Variants in FCRL4 observed in about 807,000 individuals in gnomAD.
FCRL4 encodes the protein Fc receptor like 4.
FCRL4 carries 43 observed loss-of-function variants against 64.1 expected under a neutral mutation model. The observed-to-expected ratio is 0.67, with a 90% CI of 0.53 to 0.87. The LOEUF is 0.87. FCRL4 is among the 40% of genes least tolerant of loss of function. The pLI is 0.00. For missense variants in FCRL4, 656 were observed against 613.5 expected (o/e 1.07, Z -0.73); for synonymous variants, 253 against 239.8 (o/e 1.05, Z -0.51).
intron 5 of FCRL4, 72 bp from the exon 6 acceptor site, chr1:157,586,527 G>T: frequency 7.0e-7 from 1 of 1,426,972 alleles, no homozygotes; most frequent in Non-Finnish European, 9.5e-7. Flanking sequence ...GGGGTGTTGG[G>T]CAGGGTTACT....
chr1:157,593,898 C>G (rs1251878426), intron 2 of FCRL4, among the ~76,000 whole-genome samples: 1 of 152,194 alleles, frequency 6.6e-6, no homozygotes, highest in African/African-American at 2.4e-5. Flanking sequence ...AACGTCCTTA[C>G]CAATATAATA....
At position 157,581,647 on chromosome 1, in the gene FCRL4, A is replaced by G. The variant is rs951116494; in HGVS notation, c.1136-3T>C. On this transcript the variant is annotated splice_polypyrimidine_tract_variant and splice_region_variant and intron_variant, in intron 6 of 11. Transcript: ENST00000271532. Reference sequence around the variant, plus strand: ...GCCATCTCTGTTGCCTGGGGTCTCTAAGGGGAAAGGACCTGTGTGAATCTC... The same window carrying G: ...GCCATCTCTGTTGCCTGGGGTCTCTGAGGGGAAAGGACCTGTGTGAATCTC... 6.2e-7 allele frequency: 1 copy of G among 1,611,130 alleles called. No individual in the cohort carries two copies. The highest frequency in any genetic ancestry group is 8.5e-7 in the Non-Finnish European group (1 of 1,177,820).
At chr1:157,589,671 G>GC (rs5778040) in intron 2 of FCRL4, among the ~76,000 whole-genome samples, 6,408 of 152,170 alleles carry the variant, frequency 0.042, 341 homozygotes, top group African/African-American at 0.12. Context: ...GCCTTTCAGA[G>GC]GGGGGGCAGC....
rs1652374891 is a variant in FCRL4, at chr1:157,575,287, AG to A, written c.*236del. 1 of 547,118 alleles carries A rather than the reference AG, an allele frequency of 1.8e-6. No individual in the cohort carries two copies. The highest frequency in any genetic ancestry group is 3.3e-6 in the Non-Finnish European group (1 of 303,662). The allele number at this position is 547,118 out of a possible 1,614,324, so 33.9% of individuals were successfully genotyped here. On this transcript the variant is annotated 3_prime_UTR_variant, in exon 12 of 12. Coordinates refer to ENST00000271532, the MANE Select transcript of FCRL4 (RefSeq NM_031282.3). ...AGGTCAGGCCCACAGCAAATACTAC[AG>A]GGTCTTCTCTTAACTGTGGATCCTG...
chr1:157,597,914 C>A lies in FCRL4; in HGVS notation c.31G>T (p.Ala11Ser), dbSNP rs1653003113. 6.2e-7 allele frequency: 1 copy of A among 1,613,192 alleles called. No individual in the cohort carries two copies. The highest frequency in any genetic ancestry group is 8.5e-7 in the Non-Finnish European group (1 of 1,179,500). ...CAAAGGTCTCCTCCCCATCACTTAC[C>A]AAAGGCCAGCAAGGACGCCCACAGC... MLLWASLLAF[A>S]PVCGQSAAAH... The change falls in exon 1 of 12, where the codon GCT becomes TCT. Residue 11 changes from alanine (A) to serine (S), a missense_variant and splice_region_variant. By Grantham distance (99) the Ala-to-Ser change is moderately conservative. Transcript: ENST00000271532.
chr1:157,597,200 A>G (rs1652984398), intron 1 of FCRL4, among the ~76,000 whole-genome samples: 1 of 152,196 alleles, frequency 6.6e-6, no homozygotes, highest in African/African-American at 2.4e-5. Flanking sequence ...CATGCCAAGT[A>G]TACCCATCCA....
rs1472265714 is a variant in FCRL4, at chr1:157,581,581, A to G, written c.1199T>C (p.Leu400Pro). ...AAACAGCAGGGCCACAGCCAGGAGAAGAGCACTGAGCAGCCCTCCAGTGGC... is the reference window on the plus strand; with the variant it reads ...AAACAGCAGGGCCACAGCCAGGAGAGGAGCACTGAGCAGCCCTCCAGTGGC... Reference protein sequence around the residue: ...AGATGGLLSALLLAVALLFHC... With the variant: ...AGATGGLLSAPLLAVALLFHC... The change falls in exon 7 of 12, where the codon CTT becomes CCT. Residue 400 changes from leucine (L) to proline (P), a missense_variant. Physicochemically the swap from Leu to Pro is moderately conservative, Grantham distance 98. Coordinates refer to ENST00000271532, the MANE Select transcript of FCRL4 (RefSeq NM_031282.3). The G allele has an allele frequency of 6.2e-7, 1 of 1,614,146 alleles. No homozygotes were observed. Among genetic ancestry groups the G allele is most frequent in the Middle Eastern group, 1.7e-4 (1 of 6,036 alleles).
At chr1:157,576,072 C>T (rs564524633) in intron 10 of FCRL4, among the ~76,000 whole-genome samples, 161 of 152,266 alleles carry the variant, frequency 1.1e-3, no homozygotes, top group African/African-American at 3.7e-3. Flanking sequence ...TCTCACCACC[C>T]CCGATTGTTT....
At chr1:157,580,080 C>T (rs1652526193) in intron 8 of FCRL4, among the ~76,000 whole-genome samples, 1 of 152,170 alleles carries the variant, frequency 6.6e-6, no homozygotes, top group Non-Finnish European at 1.5e-5. Context: ...TTGGTATTAT[C>T]CATTTAGATG....
intron 2 of FCRL4, among the ~76,000 whole-genome samples, chr1:157,596,044 C>T (rs1218538944): frequency 6.6e-6 from 1 of 152,144 alleles, no homozygotes; most frequent in African/African-American, 2.4e-5. Context: ...GGCTAGAATC[C>T]CACATCAGGC....
At chr1:157,590,518 CT>C (rs143709985) in intron 2 of FCRL4, among the ~76,000 whole-genome samples, 8,844 of 132,308 alleles carry the variant, frequency 0.067, 380 homozygotes, top group African/African-American at 0.14. Flanking sequence ...GTTAGTCTGT[CT>C]TTTTTTTTTT....
chr1:157,578,447 A>C, intron 10 of FCRL4, 27 bp downstream of exon 10: 1 of 1,572,488 alleles, frequency 6.4e-7, no homozygotes, highest in Non-Finnish European at 8.8e-7. Context: ...TATAGTTTGC[A>C]GCCAGAATCT....
chr1:157,584,648 T>A (rs1303610392), intron 6 of FCRL4, among the ~76,000 whole-genome samples: 3 of 152,186 alleles, frequency 2.0e-5, no homozygotes, highest in Admixed American at 2.0e-4. Flanking sequence ...TGGTACTTAG[T>A]TCTGGGGAAA....
At chr1:157,580,276 T>G (rs10489673) in intron 8 of FCRL4, 45 bp downstream of exon 8, 3 of 1,608,692 alleles carry the variant, frequency 1.9e-6, no homozygotes, top group Admixed American at 1.7e-5. Context: ...TTGCATATTG[T>G]GTACTCGGGA....
At chr1:157,579,837 C>T (rs929100485) in intron 8 of FCRL4, among the ~76,000 whole-genome samples, 2 of 152,194 alleles carry the variant, frequency 1.3e-5, no homozygotes, top group African/African-American at 4.8e-5. Context: ...GACTGAGACA[C>T]TGACATAGAA....
intron 2 of FCRL4, 96 bp downstream of exon 2, chr1:157,596,232 T>A (rs1652961267): frequency 1.5e-6 from 2 of 1,368,638 alleles, no homozygotes; most frequent in South Asian, 1.2e-5. Flanking sequence ...AGGAAAAGGA[T>A]GAAATGGACA....
chr1:157,590,480 T>C (rs1652813843), intron 2 of FCRL4, among the ~76,000 whole-genome samples: 1 of 151,936 alleles, frequency 6.6e-6, no homozygotes, highest in Admixed American at 6.6e-5. Flanking sequence ...CCCCTGTGTA[T>C]GTACATAATT....
chr1:157,583,896 A>C (rs1401167256), intron 6 of FCRL4, among the ~76,000 whole-genome samples: 1 of 152,188 alleles, frequency 6.6e-6, no homozygotes, highest in Non-Finnish European at 1.5e-5. Context: ...TCCAGCAAAC[A>C]TCACTGGATC....
At chr1:157,580,226 A>C in intron 8 of FCRL4, 95 bp downstream of exon 8, 2 of 1,336,236 alleles carry the variant, frequency 1.5e-6, no homozygotes, top group South Asian at 2.4e-5. Context: ...CCACAGGGCC[A>C]AAGAGGTATA....
Sources: allele counts gnomAD v4.1 joint callset (sites outside exome capture counted in the v4.1 genomes callset), GRCh38; gene constraint gnomAD v4.1.1; transcripts MANE v1.5; gene names NCBI Gene and HGNC (gene_info 2026-07-23, HGNC 2026-07-21).